The following ZFP14 variants were observed in gnomAD, a reference collection of about 807,000 sequenced individuals.
The protein encoded by ZFP14 is zinc finger protein 14 homolog.
ZFP14 carries 22 observed loss-of-function variants against 54.5 expected under a neutral mutation model. That is an observed-to-expected ratio of 0.40 (90% CI 0.29 to 0.58). The LOEUF (loss-of-function observed/expected upper bound fraction) is 0.58, where lower values mean the gene tolerates loss of function less well. ZFP14 is among the 20% of genes least tolerant of loss of function. The pLI is 0.39. For missense variants in ZFP14, 470 were observed against 637.8 expected, an observed-to-expected ratio of 0.74 and a Z score of 2.83; for synonymous variants, 159 against 204.0, an observed-to-expected ratio of 0.78 and a Z score of 1.88.
Position 36,362,067 on chromosome 19 carries a change from T to C in ZFP14, c.136+45A>G, listed in dbSNP as rs1386402828. The C allele has an allele frequency of 3.2e-6, 5 of 1,550,322 alleles. No homozygotes were observed. In the East Asian group the frequency reaches 9.3e-5, roughly 29 times the overall value. On this transcript the variant is annotated intron_variant, in intron 3 of 4. Coordinates refer to ENST00000270001, the MANE Select transcript of ZFP14 (RefSeq NM_020917.3). ...AGTTTTTCTAAATATAGTCCTGAAA[T>C]TGACAGCAGAGAAAGCTAATATCAT...
chr19:36,363,968 C>T (rs562492313), intron 2 of ZFP14, among the ~76,000 whole-genome samples: 2 of 150,628 alleles, frequency 1.3e-5, no homozygotes, highest in African/African-American at 2.4e-5. Flanking sequence ...CCAGCCTAGG[C>T]GACAGAGTAA....
At chr19:36,346,311 CAAAAACAAAAACAAAACAAAAAAACA>C (rs2031412812) in intron 4 of ZFP14, among the ~76,000 whole-genome samples, 2 of 151,504 alleles carry the variant, frequency 1.3e-5, no homozygotes. Context: ...GTTTGGAAAA[CAAAAACAAAAACAAAACAAAAAAACA>C]AAAAACAAAA....
chr19:36,340,036 C>T lies in ZFP14; in HGVS notation c.*188G>A, dbSNP rs1348418247. 2 of 537,204 alleles carry T rather than the reference C, an allele frequency of 3.7e-6. No individual in the cohort carries two copies. Among genetic ancestry groups the T allele is most frequent in the African/African-American group, 1.9e-5 (1 of 51,780 alleles). 33.3% of individuals were successfully genotyped at this position (537,204 alleles called of 1,614,324 possible). On this transcript the variant is annotated 3_prime_UTR_variant, in exon 5 of 5. Transcript: ENST00000270001. The surrounding 1 kb of genome is among the most constrained non-coding windows in gnomAD (Gnocchi z 5.4). ...GCTAAAGATTTTCCTACATTCATTA[C>T]ATTATTCTCTCATAGGAATTTGCTG... is the stretch of plus-strand genomic sequence containing the variant.
intron 3 of ZFP14, among the ~76,000 whole-genome samples, chr19:36,360,937 G>A (rs540702539): frequency 2.1e-4 from 32 of 152,232 alleles, no homozygotes; most frequent in African/African-American, 7.5e-4. Flanking sequence ...CAAATAAAAT[G>A]AAGATAATAA....
In ZFP14 at chr19:36,340,776, TCTAAAAG is replaced by T; in HGVS notation, c.1043_1049del (p.Ala348GlufsTer30). ...GATGAACAGTAAGTTGTTGGCATAT[TCTAAAAG>T]CCTTTCCACACTCCTTACATTCATA... On this transcript the variant is annotated frameshift_variant, in exon 5 of 5. Coordinates refer to ENST00000270001, the MANE Select transcript of ZFP14 (RefSeq NM_020917.3). LOFTEE classifies it high-confidence loss of function. This position sits in a 1 kb window ranked among gnomAD's most constrained non-coding sequence, Gnocchi z 5.4. The T allele has an allele frequency of 6.2e-7, 1 of 1,613,982 alleles. No homozygotes were observed. Among genetic ancestry groups the T allele is most frequent in the Non-Finnish European group, 8.5e-7 (1 of 1,179,978 alleles).
intron 1 of ZFP14, among the ~76,000 whole-genome samples, chr19:36,370,227 C>A (rs1255479164): frequency 6.6e-6 from 1 of 152,198 alleles, no homozygotes; most frequent in Non-Finnish European, 1.5e-5. Context: ...CATGTCACCC[C>A]TCCCCAGCTC....
At chr19:36,377,095 A>G (rs1418299347) in intron 1 of ZFP14, among the ~76,000 whole-genome samples, 1 of 152,152 alleles carries the variant, frequency 6.6e-6, no homozygotes, top group Non-Finnish European at 1.5e-5. Context: ...CCTCTCCACT[A>G]AAAACCCCAT....
intron 2 of ZFP14, among the ~76,000 whole-genome samples, chr19:36,364,630 A>T (rs561167086): frequency 6.6e-6 from 1 of 152,234 alleles, no homozygotes; most frequent in African/African-American, 2.4e-5. Flanking sequence ...CTTATCTTAT[A>T]AGGCCCAATT....
At chr19:36,357,858 T>C (rs2061834699) in intron 4 of ZFP14, among the ~76,000 whole-genome samples, 1 of 151,574 alleles carries the variant, frequency 6.6e-6, no homozygotes, top group Middle Eastern at 3.2e-3. Flanking sequence ...TTCTCATGCC[T>C]CACCCTCCCC....
At chr19:36,360,605 T>C (rs1167372612) in intron 3 of ZFP14, 72 bp from the exon 4 acceptor site, 1 of 1,391,998 alleles carries the variant, frequency 7.2e-7, no homozygotes, top group Non-Finnish European at 9.9e-7. Flanking sequence ...GTTAAATTTA[T>C]AATTAACTAC....
At chr19:36,371,290 G>A (rs2031874321) in intron 1 of ZFP14, among the ~76,000 whole-genome samples, 2 of 151,864 alleles carry the variant, frequency 1.3e-5, no homozygotes, top group African/African-American at 2.4e-5. Flanking sequence ...TCAAATAACT[G>A]TTTTAAGGAA....
intron 1 of ZFP14, among the ~76,000 whole-genome samples, chr19:36,368,949 T>C (rs2031837555): frequency 6.6e-6 from 1 of 152,178 alleles, no homozygotes; most frequent in Non-Finnish European, 1.5e-5. Flanking sequence ...GTTCAAGTGA[T>C]TATCCTGCCT....
chr19:36,365,020 T>TTTTTTTTG (rs1568472463), intron 2 of ZFP14, among the ~76,000 whole-genome samples: 2 of 121,594 alleles, frequency 1.6e-5, no homozygotes, highest in African/African-American at 7.0e-5. Context: ...TTTTTTTTTT[T>TTTTTTTTG]TTTGACAGGG....
chr19:36,357,591 T>C (rs999406348), intron 4 of ZFP14, among the ~76,000 whole-genome samples: 2 of 152,224 alleles, frequency 1.3e-5, no homozygotes, highest in South Asian at 4.1e-4. Flanking sequence ...CCCATTGGAA[T>C]GCTTTGGCAT....
chr19:36,348,628 C>T (rs936131037), intron 4 of ZFP14, among the ~76,000 whole-genome samples: 6 of 152,152 alleles, frequency 3.9e-5, no homozygotes, highest in Non-Finnish European at 8.8e-5. Context: ...TCCCAAGTAG[C>T]TGGGATTACA....
chr19:36,360,304 A>G (rs2031688664), intron 4 of ZFP14, 131 bp downstream of exon 4: 5 of 615,144 alleles, frequency 8.1e-6, no homozygotes, highest in Admixed American at 7.3e-5. Context: ...TTCAAGTCCC[A>G]AGCCCTGCCT....
intron 3 of ZFP14, among the ~76,000 whole-genome samples, chr19:36,361,245 G>GT (rs1300918878): frequency 1.9e-4 from 29 of 151,970 alleles, no homozygotes. Flanking sequence ...GTGTTTCAGG[G>GT]TTTTTTCTGT....
intron 2 of ZFP14, 67 bp from the exon 3 acceptor site, chr19:36,362,305 A>G (rs2031723875): frequency 6.6e-7 from 1 of 1,519,188 alleles, no homozygotes; most frequent in Admixed American, 2.1e-5. Flanking sequence ...GAAAGAGGGG[A>G]GATTGAGGAT....
At position 36,368,072 on chromosome 19, in the gene ZFP14, C is replaced by T. The variant is rs952782018; in HGVS notation, c.-79-101G>A. ...AACTTTTTTCTCTTCCATTCCTTCT[C>T]CCAAACTACTTCCATTGGCTTTTCC... On this transcript the variant is annotated intron_variant, in intron 1 of 4. Transcript: ENST00000270001. The T allele has an allele frequency of 6.1e-4, 380 of 617,942 alleles. 3 individuals carry two copies. Among genetic ancestry groups the T allele is most frequent in the Admixed American group, 1.6e-4 (5 of 31,790 alleles). The allele number at this position is 617,942 out of a possible 1,614,324, so 38.3% of individuals were successfully genotyped here. A position where few individuals can be genotyped will look rare whatever the true frequency, so the allele number is the denominator to read the frequency against.
Sources: gnomAD v4.1 joint callset for allele counts (sites outside exome capture counted in the v4.1 genomes callset) on GRCh38, gnomAD v4.1.1 for gene constraint, Gnocchi (gnomAD v3.1) non-coding constraint, MANE v1.5 for transcripts, NCBI Gene and HGNC (gene_info 2026-07-23, HGNC 2026-07-21) for gene names.